Variants in UNC13C observed in about 807,000 individuals in gnomAD.
UNC13C encodes unc-13 homolog C.
In UNC13C, 174 loss-of-function variants were observed where a neutral mutation model predicts 245.4. The ratio of observed to expected loss-of-function variants is 0.71; its 90% CI spans 0.63 to 0.80. The LOEUF is 0.80. Ranked by LOEUF, UNC13C falls within the 30% of genes least tolerant of loss-of-function variation. The probability of loss-of-function intolerance (pLI) is 0.00; values close to 1 mark genes in which losing one functional copy is unlikely to be tolerated. For synonymous variants in UNC13C, 992 were observed against 895.1 expected (o/e 1.11, Z -1.93); for missense variants, 2,829 against 2,602.9 (o/e 1.09, Z -1.89).
chr15:54,105,563 A>C (rs148456363), intron 2 of UNC13C, among the ~76,000 whole-genome samples: 46 of 152,352 alleles, frequency 3.0e-4, no homozygotes, highest in African/African-American at 1.1e-3. Flanking sequence ...GTTTAAACAG[A>C]AGTCACATGT....
intron 11 of UNC13C, among the ~76,000 whole-genome samples, chr15:54,295,660 T>A (rs942794709): frequency 8.8e-5 from 11 of 124,968 alleles, no homozygotes; most frequent in South Asian, 2.5e-4. Context: ...AAAAAAAAAA[T>A]AAATACATAA....
upstream of UNC13C, among the ~76,000 whole-genome samples, chr15:53,977,371 G>T (rs560341321): frequency 1.3e-5 from 2 of 152,238 alleles, no homozygotes; most frequent in African/African-American, 4.8e-5. Flanking sequence ...TGTTTATTTT[G>T]ATGGCAACTA....
At chr15:54,549,192 T>G (rs1896624996) in intron 27 of UNC13C, among the ~76,000 whole-genome samples, 1 of 152,152 alleles carries the variant, frequency 6.6e-6, no homozygotes, top group South Asian at 2.1e-4. Flanking sequence ...AGGGAGGGGT[T>G]AAGAGGGTAG....
the UNC13C span, among the ~76,000 whole-genome samples, chr15:53,859,936 T>C: frequency 2.8e-3 from 431 of 152,320 alleles, no homozygotes; most frequent in Admixed American, 6.3e-3. Flanking sequence ...GGGTGAGAAA[T>C]ATCTGCACTG....
At chr15:54,134,049 C>CGTGTGTGTGTGT (rs3082223) in intron 2 of UNC13C, among the ~76,000 whole-genome samples, 3 of 149,580 alleles carry the variant, frequency 2.0e-5, no homozygotes, top group African/African-American at 7.3e-5. Context: ...TACTGAGTTA[C>CGTGTGTGTGTGT]GTGTGTGTGT....
intron 25 of UNC13C, among the ~76,000 whole-genome samples, chr15:54,531,430 A>G (rs1391921271): frequency 6.6e-6 from 1 of 152,198 alleles, no homozygotes; most frequent in Admixed American, 6.5e-5. Context: ...CAGATATTAC[A>G]TGGCCATGTT....
At chr15:54,448,824 T>C (rs1314176096) in intron 19 of UNC13C, among the ~76,000 whole-genome samples, 1 of 152,164 alleles carries the variant, frequency 6.6e-6, no homozygotes, top group Non-Finnish European at 1.5e-5. Context: ...ATTATGATGT[T>C]AGCTGGTTAT....
At chr15:54,321,012 A>T (rs182729172) in intron 13 of UNC13C, 3 of 441,512 alleles carry the variant, frequency 6.8e-6, no homozygotes, top group Non-Finnish European at 1.3e-5. Context: ...AAAGCCACAC[A>T]GTCACTAACG....
chr15:53,871,117 G>A, the UNC13C span, among the ~76,000 whole-genome samples: 159 of 152,250 alleles, frequency 1.0e-3, no homozygotes, highest in Middle Eastern at 6.8e-3. Flanking sequence ...TGTGGCCCTT[G>A]ATTTCTTCTC....
chr15:54,231,045 C>T (rs973460148), intron 4 of UNC13C, among the ~76,000 whole-genome samples: 1 of 151,958 alleles, frequency 6.6e-6, no homozygotes, highest in African/African-American at 2.4e-5. Context: ...TGCCTATAGT[C>T]TAATAAGTCT....
intron 19 of UNC13C, among the ~76,000 whole-genome samples, chr15:54,451,436 C>T: frequency 6.6e-6 from 1 of 151,576 alleles, no homozygotes; most frequent in African/African-American, 2.4e-5. Context: ...TTATGCTGTC[C>T]CATATGTCAT....
intron 19 of UNC13C, among the ~76,000 whole-genome samples, chr15:54,491,256 G>A (rs1893690239): frequency 6.6e-6 from 1 of 152,080 alleles, no homozygotes; most frequent in African/African-American, 2.4e-5. Context: ...GCAGAGGCAA[G>A]AGCATAGATG....
chr15:53,860,561 A>G, the UNC13C span, among the ~76,000 whole-genome samples: 1 of 152,142 alleles, frequency 6.6e-6, no homozygotes, highest in Non-Finnish European at 1.5e-5. Context: ...ATGACCTGAA[A>G]TCTGAATCTC....
chr15:53,845,050 G>T, the UNC13C span, among the ~76,000 whole-genome samples: 1 of 152,130 alleles, frequency 6.6e-6, no homozygotes, highest in Admixed American at 6.6e-5. Flanking sequence ...TGAAGGCGGG[G>T]CACAGTGGCT....
In UNC13C at chr15:54,238,810, T is replaced by A. The variant is rs996041385; in HGVS notation, c.3228+1120T>A. Among the ~76,000 whole-genome samples the A allele has an allele frequency of 2.6e-5, 4 of 152,284 alleles. No homozygotes were observed. The East Asian group carries it at 7.7e-4, about 29-fold the overall frequency. ...TGATTGAATGAAAGAACCACACTGA[T>A]AAGAAGATACAAGTAGGCTGTAATT... On this transcript the variant is annotated intron_variant, in intron 7 of 32. Coordinates refer to ENST00000260323, the MANE Select transcript of UNC13C (RefSeq NM_001080534.3).
intron 19 of UNC13C, among the ~76,000 whole-genome samples, chr15:54,458,376 C>T (rs1480369578): frequency 2.0e-5 from 3 of 151,976 alleles, no homozygotes; most frequent in African/African-American, 7.2e-5. Context: ...TTGGTTAGAA[C>T]GTTCTGCAAA....
chr15:54,051,526 T>G (rs547932228), intron 2 of UNC13C, among the ~76,000 whole-genome samples: 31 of 152,278 alleles, frequency 2.0e-4, no homozygotes, highest in Admixed American at 1.1e-3. Context: ...GAGACTTTAG[T>G]ACATATTTCA....
At chr15:54,605,895 A>T (rs1462422813) in intron 30 of UNC13C, among the ~76,000 whole-genome samples, 3 of 152,212 alleles carry the variant, frequency 2.0e-5, no homozygotes, top group Admixed American at 6.5e-5. Flanking sequence ...GCAACTATGG[A>T]TGACAAGCCT....
chr15:54,375,028 G>A (rs900102031), intron 17 of UNC13C, among the ~76,000 whole-genome samples: 3 of 152,144 alleles, frequency 2.0e-5, no homozygotes, highest in Non-Finnish European at 4.4e-5. Flanking sequence ...AGTTTGAGGA[G>A]GTATGGCTAT....
Sources: gnomAD v4.1 joint callset for allele counts (sites outside exome capture counted in the v4.1 genomes callset) on GRCh38, gnomAD v4.1.1 for gene constraint, MANE v1.5 for transcripts, NCBI Gene and HGNC (gene_info 2026-07-23, HGNC 2026-07-21) for gene names.